Variants in AKAP19 observed in about 807,000 individuals in gnomAD.
The protein encoded by AKAP19 is small A-kinase anchoring protein.
the AKAP19 span, among the ~76,000 whole-genome samples, chr2:189,985,244 T>C: frequency 1.3e-5 from 2 of 152,348 alleles, no homozygotes; most frequent in East Asian, 3.9e-4. Flanking sequence ...TTCCCTCAGT[T>C]TTCCATACAG....
At chr2:190,200,092 G>A in the AKAP19 span, 4 of 1,614,050 alleles carry the variant, frequency 2.5e-6, no homozygotes, top group South Asian at 4.4e-5. Flanking sequence ...GCAGCAATGG[G>A]CATGCAATAA....
At chr2:189,980,292 A>C in the AKAP19 span, among the ~76,000 whole-genome samples, 1 of 152,340 alleles carries the variant, frequency 6.6e-6, no homozygotes, top group South Asian at 2.1e-4. Context: ...CCATTATCCT[A>C]AGTGAATTAA....
the AKAP19 span, among the ~76,000 whole-genome samples, chr2:190,128,605 G>A: frequency 6.6e-6 from 1 of 152,188 alleles, no homozygotes; most frequent in Non-Finnish European, 1.5e-5. Context: ...ACATGTTTAT[G>A]ATGTACGTCT....
At chr2:190,029,325 T>G in the AKAP19 span, among the ~76,000 whole-genome samples, 1 of 152,092 alleles carries the variant, frequency 6.6e-6, no homozygotes, top group Non-Finnish European at 1.5e-5. Context: ...GTGCAGGGAT[T>G]ACAGGCATGA....
At chr2:189,961,151 C>T in the AKAP19 span, among the ~76,000 whole-genome samples, 1 of 152,194 alleles carries the variant, frequency 6.6e-6, no homozygotes, top group African/African-American at 2.4e-5. Context: ...TCCTTTTAAT[C>T]AGGTCTTCAT....
the AKAP19 span, among the ~76,000 whole-genome samples, chr2:189,883,509 T>G: frequency 8.4e-6 from 1 of 118,526 alleles, no homozygotes; most frequent in Non-Finnish European, 1.7e-5. Flanking sequence ...TTCTTCCTGT[T>G]TTTTTTTTTT....
the AKAP19 span, chr2:190,057,473 T>C: frequency 6.2e-7 from 1 of 1,613,574 alleles, no homozygotes; most frequent in Non-Finnish European, 8.5e-7. Context: ...TAATTGGCCT[T>C]ATATCTTTTA....
At chr2:189,915,868 A>T in the AKAP19 span, among the ~76,000 whole-genome samples, 1 of 152,172 alleles carries the variant, frequency 6.6e-6, no homozygotes, top group African/African-American at 2.4e-5. Flanking sequence ...AACAGATTTT[A>T]AAATGAAAAA....
the AKAP19 span, among the ~76,000 whole-genome samples, chr2:189,943,538 G>C: frequency 6.6e-6 from 1 of 152,200 alleles, no homozygotes; most frequent in African/African-American, 2.4e-5. Flanking sequence ...TGGGGTTGGA[G>C]CCCCCACACA....
At chr2:190,069,136 ATGTGTGTGTG>A in the AKAP19 span, among the ~76,000 whole-genome samples, 670 of 127,740 alleles carry the variant, frequency 5.2e-3, 3 homozygotes, top group African/African-American at 0.014. Flanking sequence ...GTGCATGCAT[ATGTGTGTGTG>A]TGTGTGTGTG....
chr2:190,034,206 TTTTCA>T, the AKAP19 span, among the ~76,000 whole-genome samples: 1 of 152,050 alleles, frequency 6.6e-6, no homozygotes, highest in Admixed American at 6.5e-5. Flanking sequence ...AGCTTAATTC[TTTTCA>T]TTTTGTTGGG....
chr2:190,085,237 G>A, the AKAP19 span, among the ~76,000 whole-genome samples: 2 of 152,186 alleles, frequency 1.3e-5, no homozygotes, highest in Non-Finnish European at 2.9e-5. Flanking sequence ...TCTCTGGATG[G>A]TAATTAGGTT....
the AKAP19 span, among the ~76,000 whole-genome samples, chr2:190,146,516 C>T: frequency 2.0e-5 from 3 of 152,188 alleles, no homozygotes; most frequent in Non-Finnish European, 4.4e-5. Context: ...GGTAGATACC[C>T]AGTAATGGGA....
chr2:190,144,774 C>T, the AKAP19 span, among the ~76,000 whole-genome samples: 6 of 151,892 alleles, frequency 4.0e-5, no homozygotes, highest in South Asian at 2.1e-4. Flanking sequence ...GTCAGGAGTT[C>T]GAGACCAGCC....
chr2:189,953,127 G>A, the AKAP19 span, among the ~76,000 whole-genome samples: 1 of 152,042 alleles, frequency 6.6e-6, no homozygotes. Context: ...TTTTTGTTCA[G>A]GGCCCACTTA....
At chr2:190,066,286 T>C in the AKAP19 span, among the ~76,000 whole-genome samples, 4 of 152,086 alleles carry the variant, frequency 2.6e-5, no homozygotes, top group African/African-American at 7.2e-5. Context: ...CTCAAAACAA[T>C]GTTGAGGGTA....
chr2:189,890,399 A>T, the AKAP19 span, among the ~76,000 whole-genome samples: 1 of 152,144 alleles, frequency 6.6e-6, no homozygotes, highest in African/African-American at 2.4e-5. Context: ...TATTCTGTTG[A>T]TTTTGGGTAG....
At chr2:190,041,515 C>A in the AKAP19 span, among the ~76,000 whole-genome samples, 1 of 152,138 alleles carries the variant, frequency 6.6e-6, no homozygotes, top group Non-Finnish European at 1.5e-5. Context: ...TTGTTTCTTT[C>A]TCTTGCGTGA....
the AKAP19 span, among the ~76,000 whole-genome samples, chr2:190,088,350 A>T: frequency 2.0e-5 from 3 of 152,182 alleles, no homozygotes; most frequent in Non-Finnish European, 4.4e-5. Flanking sequence ...CTCTGAGTAG[A>T]GGGTAAGAAT....
Sources: allele counts gnomAD v4.1 joint callset (sites outside exome capture counted in the v4.1 genomes callset), GRCh38; gene constraint gnomAD v4.1.1; transcripts MANE v1.5; gene names NCBI Gene and HGNC (gene_info 2026-07-23, HGNC 2026-07-21).